The following RPSA variants were observed in gnomAD, a reference collection of about 807,000 sequenced individuals.
RPSA encodes ribosomal protein SA.
For synonymous variants in RPSA, 103 were observed against 126.7 expected, an observed-to-expected ratio of 0.81 and a Z score of 1.25; for missense variants, 140 against 372.8, an observed-to-expected ratio of 0.38 and a Z score of 5.14.
In RPSA at chr3:39,407,239, G is replaced by A. The variant is rs1403324001; in HGVS notation, c.-33-382G>A. On this transcript the variant is annotated intron_variant, in intron 1 of 6. Coordinates refer to ENST00000301821, the MANE Select transcript of RPSA (RefSeq NM_002295.6). ...ATTCCAAAGCATCCGCCTACAATCT[G>A]CTTGAAAATGTCTGAAAACAATTCA... Among the ~76,000 whole-genome samples, 4 of 152,208 alleles carry A rather than the reference G, an allele frequency of 2.6e-5. No homozygotes were observed. The South Asian group carries it at 6.2e-4, about 24-fold the overall frequency.
At chr3:39,409,770 G>C (rs747150905) in intron 3 of RPSA, among the ~76,000 whole-genome samples, 2 of 152,106 alleles carry the variant, frequency 1.3e-5, no homozygotes, top group Non-Finnish European at 2.9e-5. Context: ...GGAGCTGGGG[G>C]CTGCAGTAAG....
At position 39,408,566 on chromosome 3, in the gene RPSA, A is replaced by T. The variant is rs369937486; in HGVS notation, c.134-40A>T. 25 of 1,095,448 alleles carry T rather than the reference A, an allele frequency of 2.3e-5. 1 individual carries two copies. In the African/African-American group the frequency reaches 2.3e-4, roughly 10 times the overall value. 67.9% of individuals were successfully genotyped at this position (1,095,448 alleles called of 1,614,324 possible). On this transcript the variant is annotated intron_variant, in intron 2 of 6. Transcript: ENST00000301821. ...GTAAACTTGAGAAGAATGTTTGCAC[A>T]GCCAGGTCAAGTGTTACAAATCCTT... is the stretch of plus-strand genomic sequence containing the variant.
chr3:39,410,939 G>A lies in RPSA; in HGVS notation c.438G>A (p.Ala146=), dbSNP rs200785492. Residue 146 remains alanine (A), a synonymous_variant, in exon 4 of 7, where the codon GCG becomes GCA. Transcript: ENST00000301821. ...CTTATGTTAACCTACCTACCATTGCGCTGTGTAACACAGATTCTCCTCTGC... is the reference window on the plus strand; with the variant it reads ...CTTATGTTAACCTACCTACCATTGCACTGTGTAACACAGATTCTCCTCTGC... ...EASYVNLPTI[A]LCNTDSPLRY... 1.1e-4 allele frequency: 169 copies of A among 1,595,422 alleles called. No homozygotes were observed. Among genetic ancestry groups the A allele is most frequent in the Admixed American group, 1.8e-4 (11 of 60,016 alleles).
chr3:39,410,334 CTT>C (rs1225705627), intron 3 of RPSA: 4 of 199,636 alleles, frequency 2.0e-5, no homozygotes, highest in East Asian at 1.1e-4. Context: ...TGTAGTAAGA[CTT>C]TATTTCAATG....
chr3:39,408,072 C>G, intron 2 of RPSA: 1 of 416,398 alleles, frequency 2.4e-6, no homozygotes, highest in Non-Finnish European at 4.5e-6. Flanking sequence ...CCTTCAACTT[C>G]ATAGGTACTT....
rs183452490 is a variant in RPSA, at chr3:39,409,296, A to C, written c.252+572A>C. ...GGCTCATTGCAGCCTTTGCCTCCTA[A>C]GCTCAAGGGATTCTCCTGCCTCATC... On this transcript the variant is annotated intron_variant, in intron 3 of 6. Transcript: ENST00000301821. Among the ~76,000 whole-genome samples, 430 of 146,846 alleles carry C rather than the reference A, an allele frequency of 2.9e-3. 2 individuals carry two copies. The highest frequency in any genetic ancestry group is 0.01 in the African/African-American group (408 of 40,044).
In RPSA at chr3:39,406,744, G is replaced by T. The variant is rs1482853152; in HGVS notation, c.-54G>T. 6 of 407,286 alleles carry T rather than the reference G, an allele frequency of 1.5e-5. No individual in the cohort carries two copies. Among genetic ancestry groups the T allele is most frequent in the South Asian group, 7.1e-5 (4 of 56,678 alleles). 25.2% of individuals were successfully genotyped at this position (407,286 alleles called of 1,614,324 possible). On this transcript the variant is annotated 5_prime_UTR_variant, in exon 1 of 7. Coordinates refer to ENST00000301821, the MANE Select transcript of RPSA (RefSeq NM_002295.6). Reference sequence around the variant, plus strand: ...TCTTTTCCGTGCTACCTGCAGAGGGGTCCATACGGCGTTGTTCTGGGTGAG... The same window carrying T: ...TCTTTTCCGTGCTACCTGCAGAGGGTTCCATACGGCGTTGTTCTGGGTGAG...
In RPSA at chr3:39,410,851, G is replaced by A. The variant is rs1224798760; in HGVS notation, c.350G>A (p.Arg117Gln). The A allele has an allele frequency of 6.2e-7, 1 of 1,602,176 alleles. No homozygotes were observed. Among genetic ancestry groups the A allele is most frequent in the Admixed American group, 1.7e-5 (1 of 60,002 alleles). ...ACTAACCAGATCCAGGCAGCCTTCC[G>A]GGAGCCACGGCTTCTTGTGGTTACT... ...TFTNQIQAAF[R>Q]EPRLLVVTDP... The change falls in exon 4 of 7, where the codon CGG becomes CAG. Residue 117 changes from arginine to glutamine, a missense_variant. Coordinates refer to ENST00000301821, the MANE Select transcript of RPSA (RefSeq NM_002295.6).
chr3:39,410,425 G>A, intron 3 of RPSA: 1 of 363,266 alleles, frequency 2.8e-6, no homozygotes, highest in Non-Finnish European at 5.3e-6. Context: ...CACATAGTTT[G>A]GTACACAGTA....
chr3:39,408,077 G>A, intron 2 of RPSA: 1 of 409,136 alleles, frequency 2.4e-6, no homozygotes, highest in South Asian at 2.2e-5. Flanking sequence ...AACTTCATAG[G>A]TACTTACACA....
chr3:39,407,562 A>G, intron 1 of RPSA, 59 bp from the exon 2 acceptor site: 1 of 1,301,870 alleles, frequency 7.7e-7, no homozygotes, highest in Non-Finnish European at 1.1e-6. Flanking sequence ...GTTGCTTTTA[A>G]GGGTGTGCCC....
At chr3:39,407,087 G>A (rs1032364030) in intron 1 of RPSA, 1 of 443,906 alleles carries the variant, frequency 2.3e-6, no homozygotes, top group Non-Finnish European at 4.5e-6. Flanking sequence ...ACGGCGGTGA[G>A]TCTAGGCCCA....
rs1054084405 is a variant in RPSA at position 39,411,524 on chromosome 3, T to TAA, written c.499-124_499-123insAA. 9 of 979,314 alleles carry TAA rather than the reference T, an allele frequency of 9.2e-6. No homozygotes were observed. In the African/African-American group the frequency reaches 1.4e-4, roughly 16 times the overall value. 60.7% of individuals were successfully genotyped at this position (979,314 alleles called of 1,614,324 possible). Reference sequence around the variant, plus strand: ...AATCCCTATTTATAATGCTCCCTGTTACAATTGCTTTTCAACTAAGAGATG... The same window carrying TAA: ...AATCCCTATTTATAATGCTCCCTGTTAAACAATTGCTTTTCAACTAAGAGATG... On this transcript the variant is annotated intron_variant, in intron 4 of 6. Coordinates refer to ENST00000301821, the MANE Select transcript of RPSA (RefSeq NM_002295.6).
At chr3:39,408,379 C>T (rs1275764190) in intron 2 of RPSA, 2 of 726,420 alleles carry the variant, frequency 2.8e-6, no homozygotes, top group Non-Finnish European at 5.1e-6. Flanking sequence ...ATTTAGCCAA[C>T]TGAATCTAGG....
intron 2 of RPSA, chr3:39,408,306 C>T (rs1011924200): frequency 1.3e-5 from 7 of 539,056 alleles, no homozygotes; most frequent in African/African-American, 1.9e-5. Flanking sequence ...GGCAGAAAGC[C>T]AGGAAGTGGA....
intron 4 of RPSA, 74 bp from the exon 5 acceptor site, chr3:39,411,575 G>T: frequency 6.5e-7 from 1 of 1,541,748 alleles, no homozygotes. Flanking sequence ...CCTAGATGAT[G>T]TAAGAGCCAG....
At chr3:39,407,995 C>T (rs2041944316) in intron 2 of RPSA, 3 of 533,668 alleles carry the variant, frequency 5.6e-6, no homozygotes, top group South Asian at 2.1e-5. Context: ...GTCTGAGTTA[C>T]GGGACTTGGG....
chr3:39,412,100 G>T, intron 6 of RPSA, 39 bp downstream of exon 6: 1 of 1,588,410 alleles, frequency 6.3e-7, no homozygotes, highest in Middle Eastern at 1.7e-4. Context: ...CTGATATTTT[G>T]CAACTTCTCA....
At position 39,408,366 on chromosome 3, in the gene RPSA, T is replaced by G. The variant is rs774706905; in HGVS notation, c.134-240T>G. The G allele has an allele frequency of 2.6e-5, 18 of 705,430 alleles. No individual in the cohort carries two copies. In the Middle Eastern group the frequency reaches 2.1e-3, roughly 81 times the overall value. 43.7% of individuals were successfully genotyped at this position (705,430 alleles called of 1,614,324 possible). On this transcript the variant is annotated intron_variant, in intron 2 of 6. Transcript: ENST00000301821. The stretch of plus-strand genomic sequence containing the variant: ...AGTACAGGGAAAGAGAAAGGAAAGA[T>G]GGATTTAGCCAACTGAATCTAGGCT...
Sources: allele counts gnomAD v4.1 joint callset (sites outside exome capture counted in the v4.1 genomes callset), GRCh38; gene constraint gnomAD v4.1.1; transcripts MANE v1.5; gene names NCBI Gene and HGNC (gene_info 2026-07-23, HGNC 2026-07-21).